Variants in BACH2 observed in about 807,000 individuals in gnomAD.
BACH2 encodes the protein transcription regulator protein BACH2.
In BACH2, 5 loss-of-function variants were observed where a neutral mutation model predicts 61.8. That is an observed-to-expected ratio of 0.08 (90% CI 0.04 to 0.17). The LOEUF is 0.17. Among genes scored for constraint, BACH2 ranks in the 10% least tolerant of loss-of-function variants. The pLI is 1.00. For missense variants in BACH2, 824 were observed against 1,091.1 expected (o/e 0.76, Z 3.45); for synonymous variants, 446 against 440.1 (o/e 1.01, Z -0.17).
rs73752893 is a variant in BACH2 at position 90,182,520 on chromosome 6, C to T, written c.-162+24049G>A. On this transcript the variant is annotated intron_variant, in intron 4 of 8. Transcript: ENST00000257749. Reference sequence around the variant, plus strand: ...TGCTCACTGAGGCTTTGATTATGGGCTTAGGGACTGATCTTCCACTGGAGA... The same window carrying T: ...TGCTCACTGAGGCTTTGATTATGGGTTTAGGGACTGATCTTCCACTGGAGA... Among the ~76,000 whole-genome samples, 756 of 152,276 alleles carry T rather than the reference C, an allele frequency of 5.0e-3. 2 individuals are homozygous for T. Among genetic ancestry groups the T allele is most frequent in the African/African-American group, 0.017 (717 of 41,552 alleles).
At position 90,273,852 on chromosome 6, in the gene BACH2, T is replaced by C. The variant is rs139366518; in HGVS notation, c.-445-1911A>G. On this transcript the variant is annotated intron_variant, in intron 1 of 8. Coordinates refer to ENST00000257749, the MANE Select transcript of BACH2 (RefSeq NM_021813.4). The stretch of plus-strand genomic sequence containing the variant: ...GCTCTTTCCTCTGGGTGCCCCTAAG[T>C]GGGTAATGTCTCAGAACCCCAGCTT... 1.1e-3 allele frequency among the ~76,000 whole-genome samples: 163 copies of C among 152,290 alleles called. 1 individual carries two copies. Among genetic ancestry groups the C allele is most frequent in the Non-Finnish European group, 1.8e-3 (123 of 68,018 alleles).
intron 5 of BACH2, among the ~76,000 whole-genome samples, chr6:90,024,564 G>A (rs955260199): frequency 6.6e-6 from 1 of 152,144 alleles, no homozygotes; most frequent in African/African-American, 2.4e-5. Flanking sequence ...TAAACTAGGT[G>A]ACTTTTTAGT....
At chr6:90,011,150 T>TTA (rs61099945) in intron 5 of BACH2, among the ~76,000 whole-genome samples, 25,888 of 152,130 alleles carry the variant, frequency 0.17, 2,443 homozygotes, top group Middle Eastern at 0.27. Flanking sequence ...AGATTTTCTC[T>TTA]TGTTTTCTGC....
intron 4 of BACH2, among the ~76,000 whole-genome samples, chr6:90,093,908 C>T (rs1782277234): frequency 6.6e-6 from 1 of 152,174 alleles, no homozygotes; most frequent in South Asian, 2.1e-4. Context: ...CTACACTAAG[C>T]ATGAAAGCAC....
At chr6:90,249,185 G>A (rs1770728642) in intron 3 of BACH2, among the ~76,000 whole-genome samples, 1 of 152,174 alleles carries the variant, frequency 6.6e-6, no homozygotes, top group African/African-American at 2.4e-5. Context: ...GAAGATGAGT[G>A]ACTGTCTTTG....
At chr6:90,253,953 G>A (rs1275866298) in intron 2 of BACH2, among the ~76,000 whole-genome samples, 1 of 151,994 alleles carries the variant, frequency 6.6e-6, no homozygotes, top group Non-Finnish European at 1.5e-5. Flanking sequence ...TATTCCAAAA[G>A]ACCTTTTGTA....
chr6:90,296,271 G>A (rs1057151583), intron 1 of BACH2, among the ~76,000 whole-genome samples: 3 of 151,738 alleles, frequency 2.0e-5, no homozygotes, highest in African/African-American at 7.3e-5. Context: ...GCGGCCGCCG[G>A]CTCGGCTCCC....
At chr6:89,973,681 G>A (rs771484999) in intron 6 of BACH2, among the ~76,000 whole-genome samples, 2 of 152,108 alleles carry the variant, frequency 1.3e-5, no homozygotes, top group South Asian at 4.1e-4. Flanking sequence ...TTGGGGGCCA[G>A]TATCCTGCCT....
chr6:89,950,617 T>C lies in BACH2; in HGVS notation c.1489A>G (p.Asn497Asp), dbSNP rs1363517871. 1 of 1,613,898 alleles carries C rather than the reference T, an allele frequency of 6.2e-7. No individual in the cohort carries two copies. Among genetic ancestry groups the C allele is most frequent in the Non-Finnish European group, 8.5e-7 (1 of 1,179,896 alleles). ...TTGATTGGTACCGGGCAGCTGGTGTTGGGCCGCATCCTTCCTGGCAAGTGG... is the reference window on the plus strand; with the variant it reads ...TTGATTGGTACCGGGCAGCTGGTGTCGGGCCGCATCCTTCCTGGCAAGTGG... ...ADHLPGRMRP[N>D]TSCPVPIKVC... Residue 497 changes from asparagine (N) to aspartate (D), a missense_variant, in exon 7 of 9, where the codon AAC becomes GAC. Transcript: ENST00000257749. This position sits in a 1 kb window ranked among gnomAD's most constrained non-coding sequence, Gnocchi z 5.3.
intron 4 of BACH2, among the ~76,000 whole-genome samples, chr6:90,157,747 C>G (rs1253675821): frequency 6.6e-6 from 1 of 152,140 alleles, no homozygotes; most frequent in Non-Finnish European, 1.5e-5. Flanking sequence ...ATCAGGGTTG[C>G]ACCAGCTAGA....
intron 1 of BACH2, among the ~76,000 whole-genome samples, chr6:90,285,514 C>CT (rs1287330472): frequency 6.6e-6 from 1 of 152,168 alleles, no homozygotes; most frequent in Non-Finnish European, 1.5e-5. Flanking sequence ...TGCCTCTCCC[C>CT]TTAAATATTC....
intron 4 of BACH2, among the ~76,000 whole-genome samples, chr6:90,107,245 G>A (rs879890154): frequency 1.3e-5 from 2 of 151,934 alleles, no homozygotes; most frequent in African/African-American, 2.4e-5. Context: ...GGTGGCGTGC[G>A]CCTGTAGTCC....
At chr6:90,119,163 T>C (rs207270) in intron 4 of BACH2, among the ~76,000 whole-genome samples, 73,133 of 152,086 alleles carry the variant, frequency 0.48, 18,197 homozygotes, top group African/African-American at 0.56. Flanking sequence ...CAAGCTTCCA[T>C]GTGCCTATGA....
chr6:90,196,035 A>C (rs796707714), intron 4 of BACH2, among the ~76,000 whole-genome samples: 2 of 152,236 alleles, frequency 1.3e-5, no homozygotes, highest in East Asian at 3.9e-4. Context: ...AAATAAAGAA[A>C]CGGAGTTTTG....
rs191782547 is a variant in BACH2 at position 90,052,386 on chromosome 6, G to C, written c.-13+36575C>G. On this transcript the variant is annotated intron_variant, in intron 5 of 8. Coordinates refer to ENST00000257749, the MANE Select transcript of BACH2 (RefSeq NM_021813.4). ...CAATAGGTAGTGCTCTCTCTATCCTGATTTTTTTTTGCCTTAAAGTCTTTT... is the reference window on the plus strand; with the variant it reads ...CAATAGGTAGTGCTCTCTCTATCCTCATTTTTTTTTGCCTTAAAGTCTTTT... Among the ~76,000 whole-genome samples, 532 of 142,088 alleles carry C rather than the reference G, an allele frequency of 3.7e-3. 6 individuals carry two copies. Among genetic ancestry groups the C allele is most frequent in the African/African-American group, 0.016 (502 of 31,892 alleles). 93.2% of individuals were successfully genotyped at this position (142,088 alleles called of 152,430 possible). A position where few individuals can be genotyped will look rare whatever the true frequency, so the allele number is the denominator to read the frequency against.
intron 3 of BACH2, among the ~76,000 whole-genome samples, chr6:90,239,798 TACACACACACACACACACACACAC>T (rs59169449): frequency 5.3e-5 from 7 of 132,224 alleles, no homozygotes; most frequent in Non-Finnish European, 9.7e-5. Flanking sequence ...GGGGGGGGAA[TACACACACACACACACACACACAC>T]ACACACACAC....
intron 4 of BACH2, among the ~76,000 whole-genome samples, chr6:90,109,541 T>C (rs1056964301): frequency 2.0e-5 from 3 of 152,206 alleles, no homozygotes; most frequent in African/African-American, 7.2e-5. Flanking sequence ...ATTTATTATA[T>C]GTTGCCCCTG....
rs1229523564 is a variant in BACH2, at chr6:89,931,801, C to G, written c.*607G>C. 1 of 152,294 alleles carries G rather than the reference C, an allele frequency of 6.6e-6. No homozygotes were observed. Among genetic ancestry groups the G allele is most frequent in the Non-Finnish European group, 1.5e-5 (1 of 67,950 alleles). 9.4% of individuals were successfully genotyped at this position (152,294 alleles called of 1,614,324 possible). On this transcript the variant is annotated 3_prime_UTR_variant, in exon 9 of 9. Transcript: ENST00000257749. ...TGAACTGTGAAGCAAGAAAAATGAC[C>G]ATGTTAACAGTTACCAAACTAGTTC...
intron 4 of BACH2, chr6:90,117,200 C>CAAAT (rs1783437496): frequency 1.2e-5 from 2 of 165,364 alleles, no homozygotes; most frequent in East Asian, 3.6e-4. Context: ...TGGGATGAAG[C>CAAAT]TCAAATATGG....
Sources: allele counts gnomAD v4.1 joint callset (sites outside exome capture counted in the v4.1 genomes callset), GRCh38; gene constraint gnomAD v4.1.1; non-coding constraint Gnocchi (gnomAD v3.1); transcripts MANE v1.5; gene names NCBI Gene and HGNC (gene_info 2026-07-23, HGNC 2026-07-21).